Variants in PDE3B observed in about 807,000 individuals in gnomAD.
The protein encoded by PDE3B is phosphodiesterase 3B.
A neutral mutation model predicts 116.8 loss-of-function variants in PDE3B; 66 were observed. The observed-to-expected ratio is 0.56, with a 90% CI of 0.46 to 0.69. The LOEUF is 0.69. PDE3B is among the 30% of genes least tolerant of loss of function. PDE3B has a pLI of 0.00. For synonymous variants in PDE3B, 595 were observed against 533.6 expected, an observed-to-expected ratio of 1.12 and a Z score of -1.59; for missense variants, 1,384 against 1,368.1, an observed-to-expected ratio of 1.01 and a Z score of -0.18.
chr11:14,752,380 T>TTTG (rs1041497497), intron 1 of PDE3B, among the ~76,000 whole-genome samples: 2 of 152,134 alleles, frequency 1.3e-5, no homozygotes, highest in African/African-American at 2.4e-5. Context: ...GAAATAAGGC[T>TTTG]TTGTTGTTGT....
intron 1 of PDE3B, among the ~76,000 whole-genome samples, chr11:14,743,768 C>T (rs755372765): frequency 1.2e-4 from 18 of 152,204 alleles, no homozygotes; most frequent in Non-Finnish European, 1.9e-4. Context: ...CGCAATGCAC[C>T]ATTCCTCACG....
At chr11:14,859,311 G>A (rs1224746812) in intron 13 of PDE3B, 65 bp downstream of exon 13, 11 of 1,096,492 alleles carry the variant, frequency 1.0e-5, no homozygotes, top group Non-Finnish European at 1.4e-5. Context: ...GATAAAATAT[G>A]TTTTTTAATG....
intron 11 of PDE3B, among the ~76,000 whole-genome samples, chr11:14,841,253 G>T (rs1189769901): frequency 6.6e-6 from 1 of 151,030 alleles, no homozygotes; most frequent in Non-Finnish European, 1.5e-5. Flanking sequence ...TAGCCAATCA[G>T]CCCACCCTGC....
At chr11:14,796,476 C>T (rs756881188) in intron 4 of PDE3B, among the ~76,000 whole-genome samples, 2 of 152,116 alleles carry the variant, frequency 1.3e-5, no homozygotes, top group Non-Finnish European at 2.9e-5. Flanking sequence ...AACTAATTTA[C>T]ACTCACCAAC....
At chr11:14,755,453 C>T (rs375241717) in intron 1 of PDE3B, among the ~76,000 whole-genome samples, 7 of 152,202 alleles carry the variant, frequency 4.6e-5, no homozygotes, top group African/African-American at 1.7e-4. Context: ...TTTATAAATA[C>T]CTTGTAAGTG....
intron 11 of PDE3B, 105 bp downstream of exon 11, chr11:14,835,200 T>G (rs1203879928): frequency 4.4e-6 from 3 of 683,036 alleles, no homozygotes; most frequent in Non-Finnish European, 7.5e-6. Context: ...AAGTAACCGT[T>G]TAGTACATAC....
chr11:14,783,931 T>C (rs1208205826), intron 2 of PDE3B, among the ~76,000 whole-genome samples: 1 of 152,170 alleles, frequency 6.6e-6, no homozygotes, highest in Non-Finnish European at 1.5e-5. Context: ...TAGCCGGAGA[T>C]GAGCAGTGGG....
At chr11:14,708,438 G>A (rs1402925330) in intron 1 of PDE3B, among the ~76,000 whole-genome samples, 2 of 152,038 alleles carry the variant, frequency 1.3e-5, no homozygotes, top group Admixed American at 6.6e-5. Context: ...CATTGGCTAA[G>A]TCCTATTATA....
chr11:14,777,377 A>C (rs1035441780), intron 2 of PDE3B, among the ~76,000 whole-genome samples: 5 of 152,226 alleles, frequency 3.3e-5, no homozygotes, highest in African/African-American at 1.2e-4. Flanking sequence ...CCAAAAACTT[A>C]ATCCTACAGA....
At chr11:14,660,464 G>T (rs753235012) in intron 1 of PDE3B, among the ~76,000 whole-genome samples, 1 of 151,688 alleles carries the variant, frequency 6.6e-6, no homozygotes, top group Non-Finnish European at 1.5e-5. Context: ...ACCATTCCTG[G>T]CTATTTTTTT....
chr11:14,879,503 T>A, the PDE3B span: 4 of 1,332,144 alleles, frequency 3.0e-6, no homozygotes, highest in Non-Finnish European at 4.2e-6. Flanking sequence ...CTAAAGTTAT[T>A]TCCCTCTGGA....
chr11:14,644,529 T>C lies in PDE3B; in HGVS notation c.454T>C (p.Trp152Arg), dbSNP rs746311720. Reference sequence around the variant, plus strand: ...CGGCCCGGGCCGGAGCTGCGGCTCCTGGTGGCTGCTGGCGCTGCCCGCCTG... The same window carrying C: ...CGGCCCGGGCCGGAGCTGCGGCTCCCGGTGGCTGCTGGCGCTGCCCGCCTG... ...GPGPGRSCGS[W>R]WLLALPACCY... The change falls in exon 1 of 16, where the codon TGG becomes CGG. Residue 152 changes from tryptophan to arginine, a missense_variant. Physicochemically the swap from Trp to Arg is moderately radical, Grantham distance 101. Coordinates refer to ENST00000282096, the MANE Select transcript of PDE3B (RefSeq NM_000922.4). 2.0e-5 allele frequency: 32 copies of C among 1,605,180 alleles called. 1 individual carries two copies. The highest frequency in any genetic ancestry group is 3.3e-4 in the Middle Eastern group (2 of 6,064).
intron 12 of PDE3B, among the ~76,000 whole-genome samples, chr11:14,848,908 T>C (rs1472836703): frequency 6.6e-6 from 1 of 152,230 alleles, no homozygotes; most frequent in African/African-American, 2.4e-5. Flanking sequence ...ATGGCCTTAC[T>C]GCCCAAGGTA....
intron 1 of PDE3B, among the ~76,000 whole-genome samples, chr11:14,754,755 C>G (rs763395669): frequency 4.6e-5 from 7 of 152,068 alleles, no homozygotes; most frequent in Non-Finnish European, 1.0e-4. Flanking sequence ...AACAAACAAA[C>G]AAACAAAAAC....
intron 4 of PDE3B, among the ~76,000 whole-genome samples, chr11:14,794,324 T>C (rs1163350686): frequency 2.6e-5 from 4 of 151,002 alleles, no homozygotes; most frequent in African/African-American, 4.9e-5. Flanking sequence ...CTTTTCTTTT[T>C]TTTTTTTTTT....
At chr11:14,667,512 A>G (rs1854206935) in intron 1 of PDE3B, among the ~76,000 whole-genome samples, 1 of 151,884 alleles carries the variant, frequency 6.6e-6, no homozygotes, top group Non-Finnish European at 1.5e-5. Context: ...GCAGCCATAA[A>G]AAAGGATGAG....
At position 14,870,925 on chromosome 11, in the gene PDE3B, T is replaced by C. The variant is rs1555008961; in HGVS notation, c.*1265T>C. On this transcript the variant is annotated 3_prime_UTR_variant, in exon 16 of 16. Coordinates refer to ENST00000282096, the MANE Select transcript of PDE3B (RefSeq NM_000922.4). The surrounding 1 kb of genome is among the most constrained non-coding windows in gnomAD (Gnocchi z 4.1). ...GAAAATGGACCATATTTACAATGTT[T>C]TGTAAACTTGCTAGTGTGTGGATAT... is the stretch of plus-strand genomic sequence containing the variant. 6.6e-6 allele frequency: 1 copy of C among 152,208 alleles called. No individual in the cohort carries two copies. 9.4% of individuals were successfully genotyped at this position (152,208 alleles called of 1,614,324 possible).
At chr11:14,655,380 T>G (rs1199675033) in intron 1 of PDE3B, among the ~76,000 whole-genome samples, 1 of 152,224 alleles carries the variant, frequency 6.6e-6, no homozygotes, top group Non-Finnish European at 1.5e-5. Flanking sequence ...CAAATTCACC[T>G]ACAGTAGAAA....
chr11:14,752,110 T>A (rs1195446214), intron 1 of PDE3B, among the ~76,000 whole-genome samples: 2 of 152,208 alleles, frequency 1.3e-5, no homozygotes, highest in Non-Finnish European at 2.9e-5. Flanking sequence ...AAATCTACTT[T>A]TTTATTTTTA....
Sources: allele counts gnomAD v4.1 joint callset (sites outside exome capture counted in the v4.1 genomes callset), GRCh38; gene constraint gnomAD v4.1.1; non-coding constraint Gnocchi (gnomAD v3.1); transcripts MANE v1.5; gene names NCBI Gene and HGNC (gene_info 2026-07-23, HGNC 2026-07-21).